Variants in SERPINB10 observed in about 807,000 individuals in gnomAD.
SERPINB10 encodes the protein serpin family B member 10, also known as serpin B10.
Under a neutral mutation model 39.1 loss-of-function variants are expected in SERPINB10, and 35 were observed. The observed-to-expected ratio is 0.90, with a 90% CI of 0.68 to 1.19. SERPINB10 has a LOEUF of 1.19. SERPINB10 is among the 50% of genes most tolerant of loss of function. The probability of loss-of-function intolerance (pLI) is 0.00; values close to 1 mark genes in which losing one functional copy is unlikely to be tolerated. For missense variants in SERPINB10, 546 were observed against 460.5 expected, an observed-to-expected ratio of 1.19 and a Z score of -1.70; for synonymous variants, 190 against 158.1, an observed-to-expected ratio of 1.20 and a Z score of -1.52.
At chr18:63,914,481 T>C (rs1176166370) in intron 1 of SERPINB10, among the ~76,000 whole-genome samples, 3 of 152,082 alleles carry the variant, frequency 2.0e-5, no homozygotes, top group Non-Finnish European at 4.4e-5. Flanking sequence ...GGTTAAATCG[T>C]TTAACTTATT....
intron 1 of SERPINB10, among the ~76,000 whole-genome samples, chr18:63,908,602 G>A (rs144743213): frequency 1.3e-5 from 2 of 151,902 alleles, no homozygotes; most frequent in African/African-American, 4.8e-5. Context: ...TCTCTTCTGT[G>A]GAATAATAAA....
intron 1 of SERPINB10, among the ~76,000 whole-genome samples, chr18:63,911,850 C>T (rs1393085151): frequency 6.6e-6 from 1 of 151,778 alleles, no homozygotes; most frequent in Non-Finnish European, 1.5e-5. Flanking sequence ...GCATTCCATC[C>T]GAGGTTTGCC....
intron 1 of SERPINB10, among the ~76,000 whole-genome samples, chr18:63,909,037 T>TG (rs1263658059): frequency 6.6e-6 from 1 of 151,946 alleles, no homozygotes; most frequent in African/African-American, 2.4e-5. Context: ...GCAGACAAAA[T>TG]GGGGGAGCTG....
At chr18:63,918,284 C>A (rs1444183656) in intron 4 of SERPINB10, among the ~76,000 whole-genome samples, 182 bp downstream of exon 4, 1 of 151,946 alleles carries the variant, frequency 6.6e-6, no homozygotes, top group Non-Finnish European at 1.5e-5. Flanking sequence ...AATAACAGGT[C>A]TCAAATCAGA....
chr18:63,926,103 G>T (rs1275748006), intron 5 of SERPINB10, among the ~76,000 whole-genome samples: 2 of 151,986 alleles, frequency 1.3e-5, no homozygotes, highest in African/African-American at 2.4e-5. Context: ...TGGGGGCTAG[G>T]TGTCAAAATC....
chr18:63,910,661 G>C (rs1599071659), intron 1 of SERPINB10, among the ~76,000 whole-genome samples: 1 of 151,908 alleles, frequency 6.6e-6, no homozygotes. Context: ...AGTATTCCAT[G>C]GTGTGTATGT....
chr18:63,922,673 C>T (rs1265920810), intron 5 of SERPINB10, among the ~76,000 whole-genome samples: 1 of 151,872 alleles, frequency 6.6e-6, no homozygotes, highest in Non-Finnish European at 1.5e-5. Context: ...CCTTGCTTCC[C>T]CAGCTTAGAC....
At chr18:63,910,079 G>A (rs2050052958) in intron 1 of SERPINB10, among the ~76,000 whole-genome samples, 1 of 151,916 alleles carries the variant, frequency 6.6e-6, no homozygotes, top group Non-Finnish European at 1.5e-5. Context: ...GATTCCCACA[G>A]TATCACTATT....
chr18:63,920,517 ATC>A lies in SERPINB10; in HGVS notation c.490+616_490+617del, dbSNP rs1192833475. On this transcript the variant is annotated intron_variant, in intron 5 of 7. Coordinates refer to ENST00000238508, the MANE Select transcript of SERPINB10 (RefSeq NM_005024.3). ...CTGCCATCCTCAATACATGGCTTCC[ATC>A]TCTAGGTGCAAGATGGTTCTTACAA... 2.6e-5 allele frequency among the ~76,000 whole-genome samples: 4 copies of A among 152,142 alleles called. No individual in the cohort carries two copies. The East Asian group carries it at 5.8e-4, about 22-fold the overall frequency.
In SERPINB10 at chr18:63,934,144, C is replaced by T. The variant is rs1360057198; in HGVS notation, c.790-694C>T. 3.9e-5 allele frequency among the ~76,000 whole-genome samples: 6 copies of T among 152,262 alleles called. No individual in the cohort carries two copies. The South Asian group carries it at 8.3e-4, about 21-fold the overall frequency. Reference sequence around the variant, plus strand: ...AGCCAAAACTTCCGTCTAGAAGATGCATGTGCATTGAAACAAACATGTCAT... The same window carrying T: ...AGCCAAAACTTCCGTCTAGAAGATGTATGTGCATTGAAACAAACATGTCAT... On this transcript the variant is annotated intron_variant, in intron 7 of 7. Transcript: ENST00000238508.
intron 4 of SERPINB10, among the ~76,000 whole-genome samples, chr18:63,918,451 T>C (rs146458038): frequency 6.6e-5 from 10 of 152,102 alleles, no homozygotes; most frequent in Non-Finnish European, 1.2e-4. Flanking sequence ...CTTTACAGAC[T>C]TTGGGAACAT....
At chr18:63,930,611 G>A (rs936970290) in intron 6 of SERPINB10, among the ~76,000 whole-genome samples, 2 of 152,108 alleles carry the variant, frequency 1.3e-5, no homozygotes, top group East Asian at 1.9e-4. Context: ...CAATAAAAAC[G>A]GAGACTAAAG....
intron 6 of SERPINB10, among the ~76,000 whole-genome samples, chr18:63,931,403 C>G (rs1328152248): frequency 6.6e-6 from 1 of 152,150 alleles, no homozygotes; most frequent in Non-Finnish European, 1.5e-5. Context: ...TTCATGGGCT[C>G]TCTCTGGAAA....
chr18:63,917,543 A>G (rs1239576817), intron 3 of SERPINB10, 22 bp downstream of exon 3: 8 of 1,314,898 alleles, frequency 6.1e-6, no homozygotes, highest in Non-Finnish European at 6.2e-6. Flanking sequence ...CCTTTAATAT[A>G]TATTTCATAA....
rs1271709016 is a variant in SERPINB10, at chr18:63,918,032, A to G, written c.302A>G (p.Lys101Arg). ...DFQTLISEIL[K>R]PNDDYLLKTA... ...CAAACACTTATCTCAGAAATCCTCA[A>G]GCCCAACGATGACTACTTACTTAAA... is the stretch of plus-strand genomic sequence containing the variant. Residue 101 changes from lysine (K) to arginine (R), a missense_variant, in exon 4 of 8, where the codon AAG (lysine) becomes AGG (arginine). Lys to Arg is a conservative substitution (Grantham distance 26). Transcript: ENST00000238508. 6 of 1,612,442 alleles carry G rather than the reference A, an allele frequency of 3.7e-6. No homozygotes were observed. The East Asian group carries it at 1.1e-4, about 30-fold the overall frequency.
intron 2 of SERPINB10, among the ~76,000 whole-genome samples, chr18:63,916,832 G>A (rs62097491): frequency 0.022 from 3,346 of 152,072 alleles, 115 homozygotes; most frequent in African/African-American, 0.07. Flanking sequence ...CAATGCAACC[G>A]TTGAAGCAGT....
chr18:63,919,978 A>G (rs539967724), intron 5 of SERPINB10, 73 bp downstream of exon 5: 19 of 837,494 alleles, frequency 2.3e-5, no homozygotes, highest in Middle Eastern at 2.3e-4. Context: ...TTTGTGTCAT[A>G]TGTAAGTATG....
In SERPINB10 at chr18:63,933,194, G is replaced by A; in HGVS notation, c.780G>A (p.Gly260=). ...TACTACTGCCAGAAGACATTAATGG[G>A]CTGGAACAGGTAAATAACATCAGTG... ...LLILLPEDIN[G]LEQLEKAITY... Residue 260 remains glycine (G), a synonymous_variant, in exon 7 of 8, where the codon GGG becomes GGA. Transcript: ENST00000238508. The A allele has an allele frequency of 6.2e-7, 1 of 1,613,942 alleles. No individual in the cohort carries two copies. The highest frequency in any genetic ancestry group is 8.5e-7 in the Non-Finnish European group (1 of 1,179,928).
chr18:63,935,397 G>A lies in SERPINB10; in HGVS notation c.*155G>A. ...AGATCTTGAAATAATGCATTCTAAT[G>A]ATCCTGTCATATCTGTACAGCTGGA... is the stretch of plus-strand genomic sequence containing the variant. On this transcript the variant is annotated 3_prime_UTR_variant, in exon 8 of 8. Coordinates refer to ENST00000238508, the MANE Select transcript of SERPINB10 (RefSeq NM_005024.3). The A allele has an allele frequency of 1.4e-6, 1 of 714,168 alleles. No homozygotes were observed. The highest frequency in any genetic ancestry group is 2.3e-6 in the Non-Finnish European group (1 of 443,884). The allele number at this position is 714,168 out of a possible 1,614,324, so 44.2% of individuals were successfully genotyped here. A position where few individuals can be genotyped will look rare whatever the true frequency, so the allele number is the denominator to read the frequency against.
Sources: allele counts gnomAD v4.1 joint callset (sites outside exome capture counted in the v4.1 genomes callset), GRCh38; gene constraint gnomAD v4.1.1; transcripts MANE v1.5; gene names NCBI Gene and HGNC (gene_info 2026-07-23, HGNC 2026-07-21).